The following VIPR1 variants were observed in gnomAD, a reference collection of about 807,000 sequenced individuals.
VIPR1 encodes vasoactive intestinal polypeptide receptor 1.
A neutral mutation model predicts 58.8 loss-of-function variants in VIPR1; 59 were observed. That is an observed-to-expected ratio of 1.00 (90% CI 0.81 to 1.25). The LOEUF is 1.25. Ranked by LOEUF, VIPR1 falls within the 50% of genes most tolerant of loss-of-function variation. The pLI is 0.00. For synonymous variants in VIPR1, 251 were observed against 242.1 expected (o/e 1.04, Z -0.34); for missense variants, 626 against 602.7 (o/e 1.04, Z -0.40).
In VIPR1 at chr3:42,536,330, T is replaced by G. The variant is rs918373655; in HGVS notation, c.*49T>G. The G allele has an allele frequency of 1.6e-5, 24 of 1,473,222 alleles. No homozygotes were observed. Among genetic ancestry groups the G allele is most frequent in the Non-Finnish European group, 2.1e-5 (24 of 1,117,402 alleles). 91.3% of individuals were successfully genotyped at this position (1,473,222 alleles called of 1,614,324 possible). ...GGCGGCCCCTCCCGCCCCTTCCCACTCACCCCGGCAGACGCCGGGGACAGA... is the reference window on the plus strand; with the variant it reads ...GGCGGCCCCTCCCGCCCCTTCCCACGCACCCCGGCAGACGCCGGGGACAGA... On this transcript the variant is annotated 3_prime_UTR_variant, in exon 13 of 13. Coordinates refer to ENST00000325123, the MANE Select transcript of VIPR1 (RefSeq NM_004624.4).
chr3:42,505,501 G>A (rs1031060014), intron 1 of VIPR1, among the ~76,000 whole-genome samples: 3 of 152,208 alleles, frequency 2.0e-5, no homozygotes, highest in Non-Finnish European at 4.4e-5. Flanking sequence ...AGGCCCTCTT[G>A]GCCCCCAGCA....
chr3:42,492,449 C>G (rs553818114), intron 1 of VIPR1: 5 of 152,408 alleles, frequency 3.3e-5, no homozygotes, highest in African/African-American at 1.2e-4. Flanking sequence ...AAAGAGAGTG[C>G]TCCTGGGGCC....
In VIPR1 at chr3:42,536,489, G is replaced by A; in HGVS notation, c.*208G>A. On this transcript the variant is annotated 3_prime_UTR_variant, in exon 13 of 13. Transcript: ENST00000325123. ...AGCGTTTCTAGCAAGTGAGAGAGAT[G>A]GGAGCTCCTCTCCTGGAGGATTGCA... The A allele has an allele frequency of 4.1e-6, 2 of 487,354 alleles. No individual in the cohort carries two copies. Among genetic ancestry groups the A allele is most frequent in the Non-Finnish European group, 7.0e-6 (2 of 285,060 alleles). 30.2% of individuals were successfully genotyped at this position (487,354 alleles called of 1,614,324 possible).
upstream of VIPR1, among the ~76,000 whole-genome samples, chr3:42,498,548 G>A (rs186984736): frequency 6.6e-6 from 1 of 152,172 alleles, no homozygotes; most frequent in East Asian, 1.9e-4. Flanking sequence ...ACCCTTCCCC[G>A]CAACAGAGCT....
intron 1 of VIPR1, among the ~76,000 whole-genome samples, chr3:42,504,741 C>T (rs1371266362): frequency 3.9e-5 from 4 of 101,736 alleles, no homozygotes; most frequent in Non-Finnish European, 5.6e-5. Context: ...CTGCTCTAGC[C>T]GGACTCGGTG....
At chr3:42,520,477 C>G (rs1290637458) in intron 3 of VIPR1, among the ~76,000 whole-genome samples, 2 of 151,954 alleles carry the variant, frequency 1.3e-5, no homozygotes, top group African/African-American at 4.8e-5. Context: ...GGCTTGAATT[C>G]AGGTAGTGAG....
chr3:42,534,045 G>T, intron 10 of VIPR1: 1 of 152,538 alleles, frequency 6.6e-6, no homozygotes. Flanking sequence ...TCTGGGCCAT[G>T]GGAGGCGGGT....
Position 42,536,394 on chromosome 3 carries a change from G to A in VIPR1, c.*113G>A. The A allele has an allele frequency of 8.3e-7, 1 of 1,208,544 alleles. No individual in the cohort carries two copies. The highest frequency in any genetic ancestry group is 1.1e-6 in the Non-Finnish European group (1 of 903,546). 74.9% of individuals were successfully genotyped at this position (1,208,544 alleles called of 1,614,324 possible). ...GCGGCCAGCCCCGGCCCTGGGCTCG[G>A]AGGCTGCCCCCGGCCCCCTGGTCTC... On this transcript the variant is annotated 3_prime_UTR_variant, in exon 13 of 13. Coordinates refer to ENST00000325123, the MANE Select transcript of VIPR1 (RefSeq NM_004624.4).
chr3:42,497,083 C>G (rs898354052), intron 1 of VIPR1, among the ~76,000 whole-genome samples: 2 of 152,086 alleles, frequency 1.3e-5, no homozygotes, highest in African/African-American at 4.8e-5. Context: ...GAATCTCTGC[C>G]GAAGGTCAGC....
intron 7 of VIPR1, 184 bp downstream of exon 7, chr3:42,531,116 TC>T: frequency 1.3e-6 from 1 of 790,900 alleles, no homozygotes; most frequent in Non-Finnish European, 2.0e-6. Context: ...GACAAGTCCC[TC>T]AGGTTGCAGC....
intron 1 of VIPR1, among the ~76,000 whole-genome samples, chr3:42,497,215 C>T (rs1353342815): frequency 6.6e-6 from 1 of 152,150 alleles, no homozygotes; most frequent in South Asian, 2.1e-4. Flanking sequence ...AATTCACTGC[C>T]TCAGAAATGA....
chr3:42,524,641 C>A (rs975738094), intron 3 of VIPR1, among the ~76,000 whole-genome samples: 1 of 152,152 alleles, frequency 6.6e-6, no homozygotes, highest in African/African-American at 2.4e-5. Context: ...TGGTATATTC[C>A]GGGCATACGG....
At position 42,502,812 on chromosome 3, in the gene VIPR1, C is replaced by G; in HGVS notation, c.77C>G (p.Ala26Gly). The G allele has an allele frequency of 8.0e-7, 1 of 1,250,030 alleles. No individual in the cohort carries two copies. The allele number at this position is 1,250,030 out of a possible 1,614,324, so 77.4% of individuals were successfully genotyped here. A position where few individuals can be genotyped will look rare whatever the true frequency, so the allele number is the denominator to read the frequency against. The change falls in exon 1 of 13, where the codon GCG (alanine) becomes GGG (glycine). Residue 26 changes from alanine to glycine, a missense_variant and splice_region_variant. Physicochemically the swap from Ala to Gly is moderately conservative, Grantham distance 60. Coordinates refer to ENST00000325123, the MANE Select transcript of VIPR1 (RefSeq NM_004624.4). The stretch of plus-strand genomic sequence containing the variant: ...GCCCTCGCCTGGGCCCTTGGGCCGG[C>G]GGTGAGTGTTCGCCCGGCCGCCCAG... The part of the protein sequence containing the change: ...AGALAWALGP[A>G]GGQAARLQEE...
chr3:42,512,936 A>G, intron 1 of VIPR1: 1 of 985,204 alleles, frequency 1.0e-6, no homozygotes, highest in Non-Finnish European at 1.2e-6. Flanking sequence ...CCCCACTCAC[A>G]TGTCTTCCAC....
intron 4 of VIPR1, among the ~76,000 whole-genome samples, chr3:42,526,600 G>A (rs754791324): frequency 4.6e-5 from 7 of 152,102 alleles, no homozygotes; most frequent in Admixed American, 3.3e-4. Context: ...ACCCTCAGGC[G>A]CCCTTCTCAG....
intron 2 of VIPR1, among the ~76,000 whole-genome samples, chr3:42,515,832 C>T (rs572733498): frequency 5.3e-5 from 8 of 152,244 alleles, no homozygotes; most frequent in African/African-American, 1.7e-4. Flanking sequence ...CATGCCATCT[C>T]GACATGCCTA....
At chr3:42,510,359 G>A (rs1447632896) in intron 1 of VIPR1, among the ~76,000 whole-genome samples, 1 of 152,156 alleles carries the variant, frequency 6.6e-6, no homozygotes, top group Non-Finnish European at 1.5e-5. Context: ...CCTGACATCA[G>A]TAGACTTGGC....
At chr3:42,527,335 C>T (rs1577243899) in intron 4 of VIPR1, 58 bp from the exon 5 acceptor site, 2 of 1,481,900 alleles carry the variant, frequency 1.3e-6, no homozygotes, top group East Asian at 2.3e-5. Context: ...CCTGCCAATA[C>T]CCCCTAGATG....
chr3:42,519,113 G>A (rs1700779938), intron 2 of VIPR1, 110 bp from the exon 3 acceptor site: 2 of 860,986 alleles, frequency 2.3e-6, no homozygotes, highest in African/African-American at 3.6e-5. Flanking sequence ...GCTCCTTGAG[G>A]TGGGAGCCTG....
Sources: allele counts gnomAD v4.1 joint callset (sites outside exome capture counted in the v4.1 genomes callset), GRCh38; gene constraint gnomAD v4.1.1; transcripts MANE v1.5; gene names NCBI Gene and HGNC (gene_info 2026-07-23, HGNC 2026-07-21).